Variants in TLE1 observed in about 807,000 individuals in gnomAD.
The protein encoded by TLE1 is transducin-like enhancer protein 1.
A neutral mutation model predicts 89.8 loss-of-function variants in TLE1; 21 were observed. The ratio of observed to expected loss-of-function variants is 0.23; its 90% CI spans 0.17 to 0.34. The LOEUF is 0.34. TLE1 is among the 10% of genes least tolerant of loss of function. The pLI is 1.00. For synonymous variants in TLE1, 447 were observed against 407.6 expected, an observed-to-expected ratio of 1.10 and a Z score of -1.16; for missense variants, 795 against 1,031.2, an observed-to-expected ratio of 0.77 and a Z score of 3.14.
At chr9:81,643,228 T>C (rs955643854) in intron 6 of TLE1, among the ~76,000 whole-genome samples, 2 of 144,658 alleles carry the variant, frequency 1.4e-5, no homozygotes, top group African/African-American at 5.0e-5. Context: ...GTGGTGTGTT[T>C]GTTTTTTGTT....
intron 4 of TLE1, among the ~76,000 whole-genome samples, chr9:81,681,944 G>A (rs1335392748): frequency 6.6e-6 from 1 of 152,146 alleles, no homozygotes; most frequent in Admixed American, 6.5e-5. Context: ...AGCATGAGGG[G>A]ATAGGAAGAA....
Position 81,648,170 on chromosome 9 carries a change from G to A in TLE1, c.372+4044C>T, listed in dbSNP as rs1472517231. Among the ~76,000 whole-genome samples, 3 of 151,536 alleles carry A rather than the reference G, an allele frequency of 2.0e-5. No individual in the cohort carries two copies. The East Asian group carries it at 5.8e-4, about 29-fold the overall frequency. Reference sequence around the variant, plus strand: ...GCCTGTAATCCCAGCTACTCGGGCGGCTGAGGCAGGAGAATCACTGGAACC... The same window carrying A: ...GCCTGTAATCCCAGCTACTCGGGCGACTGAGGCAGGAGAATCACTGGAACC... On this transcript the variant is annotated intron_variant, in intron 6 of 19. Coordinates refer to ENST00000376499, the MANE Select transcript of TLE1 (RefSeq NM_005077.5).
At chr9:81,652,380 C>G in intron 5 of TLE1, 92 bp from the exon 6 acceptor site, 1 of 1,023,270 alleles carries the variant, frequency 9.8e-7, no homozygotes, top group Admixed American at 1.9e-5. Flanking sequence ...GTGTGCAATG[C>G]AGGCTGAAGT....
chr9:81,591,159 G>A, intron 15 of TLE1, 107 bp from the exon 16 acceptor site: 1 of 1,437,662 alleles, frequency 7.0e-7, no homozygotes, highest in Non-Finnish European at 9.5e-7. Flanking sequence ...GTGTTTCATG[G>A]ACACTCTAAC....
rs112934485 is a variant in TLE1 at position 81,615,423 on chromosome 9, C to T, written c.918+559G>A. On this transcript the variant is annotated intron_variant, in intron 11 of 19. Transcript: ENST00000376499. The stretch of plus-strand genomic sequence containing the variant: ...GCAAGAACATATCCCCCAAGTAAGA[C>T]GGCAATGAGGCTGGGCTTGTAATCC... 6.3e-3 allele frequency among the ~76,000 whole-genome samples: 949 copies of T among 150,568 alleles called. 7 individuals carry two copies. Among genetic ancestry groups the T allele is most frequent in the African/African-American group, 0.021 (856 of 41,002 alleles).
intron 6 of TLE1, among the ~76,000 whole-genome samples, chr9:81,642,554 C>T (rs537978002): frequency 6.6e-6 from 1 of 151,268 alleles, no homozygotes; most frequent in Non-Finnish European, 1.5e-5. Flanking sequence ...ATTAGCCAGG[C>T]ATGGTGGTGG....
At chr9:81,591,094 G>A (rs775098873) in intron 15 of TLE1, 42 bp from the exon 16 acceptor site, 1 of 1,590,996 alleles carries the variant, frequency 6.3e-7, no homozygotes, top group Admixed American at 1.7e-5. Context: ...GAATTACCGA[G>A]CAATCATAGC....
chr9:81,684,638 T>C (rs1588271787), intron 4 of TLE1, among the ~76,000 whole-genome samples: 1 of 152,238 alleles, frequency 6.6e-6, no homozygotes, highest in African/African-American at 2.4e-5. Flanking sequence ...CTCTTTAATT[T>C]AATGAAACAA....
chr9:81,683,765 T>C (rs1266192058), intron 4 of TLE1, among the ~76,000 whole-genome samples: 5 of 152,138 alleles, frequency 3.3e-5, no homozygotes, highest in Non-Finnish European at 7.3e-5. Flanking sequence ...CTAAGCCAAT[T>C]ATACACAGCA....
chr9:81,648,913 C>G (rs1032218474), intron 6 of TLE1, among the ~76,000 whole-genome samples: 6 of 152,154 alleles, frequency 3.9e-5, no homozygotes, highest in South Asian at 2.1e-4. Flanking sequence ...GACTTGTTTT[C>G]TAAGGCCTAA....
chr9:81,619,716 G>A (rs953461084), intron 9 of TLE1, among the ~76,000 whole-genome samples: 5 of 152,178 alleles, frequency 3.3e-5, no homozygotes, highest in African/African-American at 1.2e-4. Flanking sequence ...TCATACATCG[G>A]CTGCAATGTT....
rs192452787 is a variant in TLE1, at chr9:81,684,443, G to C, written c.234+1233C>G. Reference sequence around the variant, plus strand: ...CTTTCCAAACACAAATCTGAGAACAGATCTAATGTACACGATAACTTAACA... The same window carrying C: ...CTTTCCAAACACAAATCTGAGAACACATCTAATGTACACGATAACTTAACA... On this transcript the variant is annotated intron_variant, in intron 4 of 19. Coordinates refer to ENST00000376499, the MANE Select transcript of TLE1 (RefSeq NM_005077.5). Among the ~76,000 whole-genome samples, 37 of 152,274 alleles carry C rather than the reference G, an allele frequency of 2.4e-4. No individual in the cohort carries two copies. In the East Asian group the frequency reaches 6.5e-3, roughly 27 times the overall value.
chr9:81,616,832 A>C lies in TLE1; in HGVS notation c.712-133T>G, dbSNP rs1490734634. On this transcript the variant is annotated intron_variant, in intron 9 of 19. Coordinates refer to ENST00000376499, the MANE Select transcript of TLE1 (RefSeq NM_005077.5). ...CCTGGGACAGGCCTGCAGGCTCTCTATCAGTTTGCCAGTCCTAGTAATTAT... is the reference window on the plus strand; with the variant it reads ...CCTGGGACAGGCCTGCAGGCTCTCTCTCAGTTTGCCAGTCCTAGTAATTAT... 70 of 909,848 alleles carry C rather than the reference A, an allele frequency of 7.7e-5. 1 individual carries two copies. The South Asian group carries it at 1.0e-3, about 13-fold the overall frequency. The allele number at this position is 909,848 out of a possible 1,614,324, so 56.4% of individuals were successfully genotyped here.
intron 2 of TLE1, 36 bp downstream of exon 2, chr9:81,687,298 C>T: frequency 6.4e-7 from 1 of 1,565,596 alleles, no homozygotes; most frequent in East Asian, 2.3e-5. Flanking sequence ...CACCGGGACG[C>T]CCGCGACCAC....
intron 1 of TLE1, 67 bp downstream of exon 1, chr9:81,688,150 C>T (rs1023184555): frequency 4.2e-5 from 67 of 1,589,102 alleles, no homozygotes; most frequent in Admixed American, 8.5e-5. Context: ...CACCAGTCTC[C>T]CTACCGCCCG....
chr9:81,676,162 G>C lies in TLE1; in HGVS notation c.234+9514C>G, dbSNP rs534775790. 5.3e-5 allele frequency among the ~76,000 whole-genome samples: 8 copies of C among 152,226 alleles called. No homozygotes were observed. The East Asian group carries it at 1.5e-3, about 29-fold the overall frequency. ...TTTTCTTGCAAAGTAGCTTTCACCT[G>C]ATTTTCAAACGTTCAGGGTCCAAAA... On this transcript the variant is annotated intron_variant, in intron 4 of 19. Coordinates refer to ENST00000376499, the MANE Select transcript of TLE1 (RefSeq NM_005077.5).
intron 4 of TLE1, among the ~76,000 whole-genome samples, chr9:81,654,256 G>C (rs2132654337): frequency 6.6e-6 from 1 of 152,302 alleles, no homozygotes; most frequent in Non-Finnish European, 1.5e-5. Flanking sequence ...ATTGTAATAA[G>C]AGATGAGTAG....
chr9:81,634,173 C>T lies in TLE1; in HGVS notation c.501G>A (p.Leu167=). 1 of 1,599,430 alleles carries T rather than the reference C, an allele frequency of 6.3e-7. No homozygotes were observed. The highest frequency in any genetic ancestry group is 2.2e-5 in the East Asian group (1 of 44,642). ...GAGACTGCCCACTCAGAGCACTAGA[C>T]AGCGCAAGAAGGCCGGCACTGCCCC... ...PLGGSAGLLA[L]SSALSGQSHL... The change falls in exon 7 of 20, where the codon CTG becomes CTA. Residue 167 remains leucine (L), a synonymous_variant. Coordinates refer to ENST00000376499, the MANE Select transcript of TLE1 (RefSeq NM_005077.5).
intron 8 of TLE1, among the ~76,000 whole-genome samples, chr9:81,631,594 C>T (rs1826613645): frequency 6.6e-6 from 1 of 152,212 alleles, no homozygotes; most frequent in South Asian, 2.1e-4. Flanking sequence ...CCCATAATGC[C>T]TTACATATAT....
Sources: allele counts gnomAD v4.1 joint callset (sites outside exome capture counted in the v4.1 genomes callset), GRCh38; gene constraint gnomAD v4.1.1; transcripts MANE v1.5; gene names NCBI Gene and HGNC (gene_info 2026-07-23, HGNC 2026-07-21).